BACH2: variants seen among roughly 807,000 people sequenced by gnomAD.
The protein encoded by BACH2 is BACH transcriptional regulator 2.
BACH2 carries 5 observed loss-of-function variants against 61.8 expected under a neutral mutation model. The ratio of observed to expected loss-of-function variants is 0.08; its 90% CI spans 0.04 to 0.17. BACH2 has a LOEUF of 0.17. BACH2 is among the 10% of genes least tolerant of loss of function. The pLI, the probability that BACH2 is intolerant of heterozygous loss-of-function variation, is 1.00. For missense variants in BACH2, 824 were observed against 1,091.1 expected (o/e 0.76, Z 3.45); for synonymous variants, 446 against 440.1 (o/e 1.01, Z -0.17).
chr6:90,144,733 C>T (rs1474907856), intron 4 of BACH2, among the ~76,000 whole-genome samples: 7 of 152,178 alleles, frequency 4.6e-5, no homozygotes, highest in Admixed American at 4.6e-4. Context: ...ATTCGTAATC[C>T]TTCCTGACAC....
chr6:89,982,680 G>A (rs1010402531), intron 6 of BACH2, among the ~76,000 whole-genome samples: 5 of 152,092 alleles, frequency 3.3e-5, no homozygotes, highest in East Asian at 1.9e-4. Context: ...TATAAAACAC[G>A]ATTTTCCTAT....
intron 4 of BACH2, among the ~76,000 whole-genome samples, chr6:90,198,043 G>A (rs530921761): frequency 1.3e-5 from 2 of 152,320 alleles, no homozygotes; most frequent in South Asian, 2.1e-4. Flanking sequence ...ATGACTCAGC[G>A]AGTTTGGAGT....
At chr6:90,242,250 G>C (rs997604509) in intron 3 of BACH2, among the ~76,000 whole-genome samples, 23 of 152,102 alleles carry the variant, frequency 1.5e-4, no homozygotes, top group African/African-American at 5.1e-4. Flanking sequence ...TGTTCATCCT[G>C]TCCCCTCTTC....
chr6:90,133,992 C>CA (rs1448291761), intron 4 of BACH2, among the ~76,000 whole-genome samples: 3 of 152,182 alleles, frequency 2.0e-5, no homozygotes, highest in African/African-American at 7.2e-5. Flanking sequence ...AATAGTGCTG[C>CA]AATAAACATG....
Position 89,950,648 on chromosome 6 carries a change from C to T in BACH2, c.1458G>A (p.Met486Ile). The change falls in exon 7 of 9, where the codon ATG becomes ATA. Residue 486 changes from methionine to isoleucine, a missense_variant. Met to Ile is a conservative substitution (Grantham distance 10, BLOSUM62 1). Around this residue, in one of 8 missense-constraint regions of BACH2, gnomAD observed 102 missense variants for 98.1 expected, o/e 1.04. Coordinates refer to ENST00000257749, the MANE Select transcript of BACH2 (RefSeq NM_021813.4). This position sits in a 1 kb window ranked among gnomAD's most constrained non-coding sequence, Gnocchi z 5.3. ...GCATCCTTCCTGGCAAGTGGTCGGC[C>T]ATCAGCCCACCGTGGGAGTAGGCCT... ...SSQAYSHGGL[M>I]ADHLPGRMRP... is the part of the protein sequence containing the mutation. 1 of 1,614,122 alleles carries T rather than the reference C, an allele frequency of 6.2e-7. No individual in the cohort carries two copies.
At chr6:90,296,316 C>T (rs576882756) in intron 1 of BACH2, among the ~76,000 whole-genome samples, 164 bp downstream of exon 1, 9 of 151,448 alleles carry the variant, frequency 5.9e-5, no homozygotes, top group East Asian at 5.9e-4. Context: ...GCCATAAAAG[C>T]GGGCAGGGCG....
intron 5 of BACH2, among the ~76,000 whole-genome samples, chr6:90,025,024 C>A (rs115667365): frequency 0.011 from 1,599 of 152,274 alleles, 32 homozygotes; most frequent in African/African-American, 0.036. Flanking sequence ...ATGAGACTAC[C>A]CCGTTTAGCG....
intron 3 of BACH2, among the ~76,000 whole-genome samples, chr6:90,236,316 A>G (rs1002065177): frequency 6.6e-6 from 1 of 152,248 alleles, no homozygotes; most frequent in Non-Finnish European, 1.5e-5. Flanking sequence ...GATTAGAAAC[A>G]GTATGCTAGG....
intron 1 of BACH2, among the ~76,000 whole-genome samples, chr6:90,275,623 GT>G (rs926394503): frequency 1.9e-4 from 28 of 147,966 alleles, no homozygotes; most frequent in African/African-American, 3.0e-4. Flanking sequence ...TACCTGATAG[GT>G]TTTTTTTTTT....
chr6:90,094,444 T>TA (rs2127809293), intron 4 of BACH2, among the ~76,000 whole-genome samples: 1 of 152,316 alleles, frequency 6.6e-6, no homozygotes, highest in South Asian at 2.1e-4. Flanking sequence ...AAAAGTGGTT[T>TA]AATGATCTGA....
At chr6:90,226,668 C>T (rs373158925) in intron 3 of BACH2, among the ~76,000 whole-genome samples, 3 of 151,820 alleles carry the variant, frequency 2.0e-5, no homozygotes, top group African/African-American at 7.3e-5. Context: ...CTATTACTGT[C>T]AATCAAACAC....
chr6:90,284,870 G>A (rs575964937), intron 1 of BACH2, among the ~76,000 whole-genome samples: 28 of 152,178 alleles, frequency 1.8e-4, no homozygotes, highest in African/African-American at 6.5e-4. Context: ...CATTCGTATC[G>A]GCGGAAACCA....
chr6:90,113,930 A>C (rs1783286683), intron 4 of BACH2, among the ~76,000 whole-genome samples: 1 of 152,144 alleles, frequency 6.6e-6, no homozygotes, highest in African/African-American at 2.4e-5. Flanking sequence ...CAAGATGGAT[A>C]AATTCCTGGA....
intron 4 of BACH2, among the ~76,000 whole-genome samples, chr6:90,158,771 G>T (rs1017354559): frequency 2.0e-5 from 3 of 149,536 alleles, no homozygotes; most frequent in African/African-American, 7.4e-5. Flanking sequence ...TTGGTGGGGG[G>T]GGGGCACTTA....
intron 4 of BACH2, among the ~76,000 whole-genome samples, chr6:90,198,270 G>A (rs13210253): frequency 0.042 from 6,428 of 152,214 alleles, 162 homozygotes; most frequent in Non-Finnish European, 0.061. Flanking sequence ...CACAGCTCCC[G>A]TGTGTCCAGA....
chr6:90,062,899 C>T (rs1780758389), intron 5 of BACH2: 1 of 985,136 alleles, frequency 1.0e-6, no homozygotes, highest in South Asian at 4.7e-5. Flanking sequence ...TCTGCCAAGA[C>T]TTGAACACAT....
intron 4 of BACH2, among the ~76,000 whole-genome samples, chr6:90,145,948 C>A (rs547533857): frequency 1.3e-5 from 2 of 152,316 alleles, no homozygotes; most frequent in African/African-American, 4.8e-5. Flanking sequence ...TGACTTCCAA[C>A]CACACTTTAT....
At chr6:89,952,687 A>T (rs1774202599) in intron 6 of BACH2, among the ~76,000 whole-genome samples, 1 of 152,164 alleles carries the variant, frequency 6.6e-6, no homozygotes, top group African/African-American at 2.4e-5. Context: ...TTTCCTGGTA[A>T]ATCTTCAGGG....
intron 5 of BACH2, among the ~76,000 whole-genome samples, chr6:90,086,676 T>C (rs1781945747): frequency 1.3e-5 from 2 of 152,162 alleles, no homozygotes; most frequent in African/African-American, 4.8e-5. Flanking sequence ...ACAACTTCTT[T>C]CCTTCCTGAC....
Sources: allele counts gnomAD v4.1 joint callset (sites outside exome capture counted in the v4.1 genomes callset), GRCh38; gene constraint gnomAD v4.1.1; regional missense constraint gnomAD v4.1.1; non-coding constraint Gnocchi (gnomAD v3.1); transcripts MANE v1.5; gene names NCBI Gene and HGNC (gene_info 2026-07-23, HGNC 2026-07-21).